CRK: variants seen among roughly 807,000 people sequenced by gnomAD.
The protein encoded by CRK is adapter molecule crk.
A neutral mutation model predicts 29.8 loss-of-function variants in CRK; 4 were observed. The observed-to-expected ratio is 0.13, with a 90% CI of 0.07 to 0.31. The LOEUF is 0.31. CRK is among the 10% of genes least tolerant of loss of function. CRK has a pLI of 1.00. For synonymous variants in CRK, 153 were observed against 164.9 expected (o/e 0.93, Z 0.55); for missense variants, 274 against 396.5 (o/e 0.69, Z 2.62).
Position 1,454,664 on chromosome 17 carries a change from T to C in CRK, c.241+1213A>G, listed in dbSNP as rs949611721. ...CGGCTCAAGAGCTTCCTGATTCATATGAGACTAGTCTGAACCCATTCTCAG... is the reference window on the plus strand; with the variant it reads ...CGGCTCAAGAGCTTCCTGATTCATACGAGACTAGTCTGAACCCATTCTCAG... On this transcript the variant is annotated intron_variant, in intron 1 of 2. Transcript: ENST00000300574. Among the ~76,000 whole-genome samples, 4 of 152,192 alleles carry C rather than the reference T, an allele frequency of 2.6e-5. No individual in the cohort carries two copies. In the East Asian group the frequency reaches 5.8e-4, roughly 22 times the overall value.
intron 2 of CRK, among the ~76,000 whole-genome samples, chr17:1,430,452 G>A (rs938701809): frequency 7.9e-5 from 12 of 151,346 alleles, no homozygotes; most frequent in African/African-American, 2.4e-4. Context: ...CGCCTCCCGG[G>A]TTCACGCCAT....
intron 1 of CRK, among the ~76,000 whole-genome samples, chr17:1,455,347 A>G (rs2150916882): frequency 6.6e-6 from 1 of 152,250 alleles, no homozygotes; most frequent in East Asian, 1.9e-4. Context: ...AAGAAAGGAA[A>G]AAATTGACCG....
chr17:1,446,132 G>C (rs2073973093), intron 1 of CRK, among the ~76,000 whole-genome samples: 1 of 152,140 alleles, frequency 6.6e-6, no homozygotes, highest in Admixed American at 6.6e-5. Context: ...TCCTAGACTG[G>C]AGAAGCTCAG....
At chr17:1,440,238 G>A (rs2073923711) in intron 1 of CRK, among the ~76,000 whole-genome samples, 1 of 151,396 alleles carries the variant, frequency 6.6e-6, no homozygotes, top group Admixed American at 6.6e-5. Flanking sequence ...GGCAGAGCTT[G>A]CGGTGAGCCG....
chr17:1,452,279 T>C (rs897341457), intron 1 of CRK, among the ~76,000 whole-genome samples: 4 of 152,194 alleles, frequency 2.6e-5, no homozygotes, highest in Admixed American at 6.6e-5. Context: ...TCTCACTAGA[T>C]TGTCCTAGAC....
chr17:1,427,543 A>C (rs2073793050), intron 2 of CRK, among the ~76,000 whole-genome samples: 1 of 151,858 alleles, frequency 6.6e-6, no homozygotes, highest in South Asian at 2.1e-4. Flanking sequence ...CAGTGAGCCG[A>C]GATCACGCCA....
Position 1,456,066 on chromosome 17 carries a change from A to G in CRK, c.52T>C (p.Leu18=). The change falls in exon 1 of 3, where the codon TTG becomes CTG. Residue 18 remains leucine (L), a synonymous_variant. Coordinates refer to ENST00000300574, the MANE Select transcript of CRK (RefSeq NM_016823.4). ...EERSSWYWGR[L]SRQEAVALLQ... ...AGCGCCACCGCCTCCTGCCGACTCAACCTCCCCCAGTACCAGCTACTCCGC... is the reference window on the plus strand; with the variant it reads ...AGCGCCACCGCCTCCTGCCGACTCAGCCTCCCCCAGTACCAGCTACTCCGC... The G allele has an allele frequency of 1.3e-6, 2 of 1,592,218 alleles. No homozygotes were observed. The highest frequency in any genetic ancestry group is 1.7e-5 in the Admixed American group (1 of 58,194).
intron 2 of CRK, among the ~76,000 whole-genome samples, chr17:1,428,442 T>C (rs920856255): frequency 2.7e-5 from 4 of 149,632 alleles, no homozygotes; most frequent in African/African-American, 7.4e-5. Context: ...AAGGGATAAA[T>C]GAGTAGGGAT....
intron 1 of CRK, among the ~76,000 whole-genome samples, chr17:1,446,809 G>A (rs2073978599): frequency 6.6e-6 from 1 of 151,854 alleles, no homozygotes; most frequent in Non-Finnish European, 1.5e-5. Context: ...TAACCAGGAT[G>A]GTCTCGATCT....
chr17:1,421,913 G>A lies in CRK; in HGVS notation c.*1600C>T, dbSNP rs1461473337. On this transcript the variant is annotated 3_prime_UTR_variant, in exon 3 of 3. Coordinates refer to ENST00000300574, the MANE Select transcript of CRK (RefSeq NM_016823.4). ...CCTTTATAGACTGAGAACTAACGTG[G>A]AAGTTTCATGCTGTCGTCTAAATAG... 3.9e-5 allele frequency: 6 copies of A among 152,142 alleles called. No individual in the cohort carries two copies. The highest frequency in any genetic ancestry group is 3.9e-4 in the Admixed American group (6 of 15,260). 9.4% of individuals were successfully genotyped at this position (152,142 alleles called of 1,614,324 possible).
rs75971011 is a variant in CRK at position 1,446,092 on chromosome 17, A to G, written c.242-8937T>C. Among the ~76,000 whole-genome samples the G allele has an allele frequency of 5.9e-5, 9 of 152,262 alleles. No individual in the cohort carries two copies. In the East Asian group the frequency reaches 1.5e-3, roughly 26 times the overall value. Reference sequence around the variant, plus strand: ...ATTATCTTAATAAGCCTAACTCTGAAGTGATGGAAAGAAGCTAAGCACAAT... The same window carrying G: ...ATTATCTTAATAAGCCTAACTCTGAGGTGATGGAAAGAAGCTAAGCACAAT... On this transcript the variant is annotated intron_variant, in intron 1 of 2. Coordinates refer to ENST00000300574, the MANE Select transcript of CRK (RefSeq NM_016823.4).
intron 2 of CRK, among the ~76,000 whole-genome samples, chr17:1,429,358 T>C (rs928359310): frequency 3.3e-5 from 5 of 151,094 alleles, no homozygotes; most frequent in South Asian, 2.1e-4. Flanking sequence ...TCTTGTCTCA[T>C]TGCAAACTCC....
intron 2 of CRK, among the ~76,000 whole-genome samples, chr17:1,433,672 C>A (rs2073864541): frequency 6.6e-6 from 1 of 151,768 alleles, no homozygotes; most frequent in Non-Finnish European, 1.5e-5. Flanking sequence ...GCGCCCACCA[C>A]CACGCCTGGC....
intron 2 of CRK, among the ~76,000 whole-genome samples, chr17:1,426,048 T>TGTGGCCAAGC (rs144576062): frequency 6.6e-6 from 1 of 152,028 alleles, no homozygotes; most frequent in Non-Finnish European, 1.5e-5. Context: ...AAAAGCCAAG[T>TGTGGCCAAGC]GTGGCCAAGC....
At chr17:1,449,819 T>C (rs1430819077) in intron 1 of CRK, among the ~76,000 whole-genome samples, 1 of 152,200 alleles carries the variant, frequency 6.6e-6, no homozygotes, top group Non-Finnish European at 1.5e-5. Flanking sequence ...AGGAAGCCTA[T>C]GCAAGCTGAG....
intron 1 of CRK, among the ~76,000 whole-genome samples, chr17:1,455,634 A>G (rs1434569055): frequency 6.6e-6 from 1 of 151,578 alleles, no homozygotes; most frequent in African/African-American, 2.4e-5. Flanking sequence ...GGGCCGAAGC[A>G]GTTCCCCTTC....
At chr17:1,430,408 G>C (rs554804965) in intron 2 of CRK, among the ~76,000 whole-genome samples, 100 of 150,582 alleles carry the variant, frequency 6.6e-4, no homozygotes, top group Middle Eastern at 7.1e-3. Context: ...CCAGGCTGGA[G>C]TGCAGTGGCG....
At chr17:1,454,012 C>A (rs2074037886) in intron 1 of CRK, among the ~76,000 whole-genome samples, 1 of 151,964 alleles carries the variant, frequency 6.6e-6, no homozygotes. Flanking sequence ...ACCAATCTGG[C>A]CAACCTGGTA....
intron 1 of CRK, among the ~76,000 whole-genome samples, chr17:1,449,532 A>G (rs77637477): frequency 0.05 from 7,685 of 152,208 alleles, 277 homozygotes; most frequent in South Asian, 0.11. Flanking sequence ...GAAGCAGGGA[A>G]AAGTTAAACA....
Sources: gnomAD v4.1 joint callset for allele counts (sites outside exome capture counted in the v4.1 genomes callset) on GRCh38, gnomAD v4.1.1 for gene constraint, MANE v1.5 for transcripts, NCBI Gene and HGNC (gene_info 2026-07-23, HGNC 2026-07-21) for gene names.